The following BCAR3 variants were observed in gnomAD, a reference collection of about 807,000 sequenced individuals.
The protein encoded by BCAR3 is breast cancer anti-estrogen resistance protein 3.
In BCAR3, 37 loss-of-function variants were observed where a neutral mutation model predicts 80.1. The observed-to-expected ratio is 0.46, with a 90% CI of 0.36 to 0.61. BCAR3 has a LOEUF of 0.61. Among genes scored for constraint, BCAR3 ranks in the 20% least tolerant of loss-of-function variants. The pLI, the probability that BCAR3 is intolerant of heterozygous loss-of-function variation, is 0.00. For synonymous variants in BCAR3, 389 were observed against 418.9 expected (o/e 0.93, Z 0.87); for missense variants, 978 against 1,068.2 (o/e 0.92, Z 1.18).
Position 93,571,837 on chromosome 1 carries a change from T to C in BCAR3, c.1807A>G (p.Asn603Asp). 3 of 1,612,288 alleles carry C rather than the reference T, an allele frequency of 1.9e-6. No homozygotes were observed. Among genetic ancestry groups the C allele is most frequent in the Admixed American group, 1.7e-5 (1 of 59,970 alleles). The change falls in exon 9 of 12, where the codon AAC becomes GAC. Residue 603 changes from asparagine to aspartate, a missense_variant. Asn to Asp is a conservative substitution (Grantham distance 23, BLOSUM62 1). Coordinates refer to ENST00000260502, the MANE Select transcript of BCAR3 (RefSeq NM_003567.4). The stretch of plus-strand genomic sequence containing the variant: ...ACTGCAATGCCGATGGCCATTGTGT[T>C]GTGTCTGAAAGCCAGGAGATCAGCG... ...QLRLDIIERHNTMAIGIAVDI... is the reference protein window; with the variant it reads ...QLRLDIIERHDTMAIGIAVDI...
At chr1:93,709,166 A>G (rs1355412628) in intron 2 of BCAR3, among the ~76,000 whole-genome samples, 1 of 152,136 alleles carries the variant, frequency 6.6e-6, no homozygotes, top group African/African-American at 2.4e-5. Context: ...TGCAAAAGAG[A>G]AGAACGAGGG....
At chr1:93,576,653 C>A (rs1167300934) in intron 7 of BCAR3, among the ~76,000 whole-genome samples, 4 of 152,246 alleles carry the variant, frequency 2.6e-5, no homozygotes, top group African/African-American at 9.6e-5. Context: ...CTCTATACGT[C>A]TGGAAACTAT....
intron 2 of BCAR3, among the ~76,000 whole-genome samples, chr1:93,813,271 A>C (rs1177308395): frequency 1.3e-5 from 2 of 152,112 alleles, no homozygotes; most frequent in East Asian, 3.9e-4. Context: ...TTATCAGGTA[A>C]GCTTTGTGTG....
intron 2 of BCAR3, among the ~76,000 whole-genome samples, chr1:93,651,007 C>T (rs1440385935): frequency 6.6e-6 from 1 of 152,158 alleles, no homozygotes; most frequent in East Asian, 1.9e-4. Context: ...TTCACTTATA[C>T]CCTAAAAGTA....
intron 11 of BCAR3, among the ~76,000 whole-genome samples, chr1:93,566,086 CTCT>C (rs1672937365): frequency 6.6e-6 from 1 of 152,164 alleles, no homozygotes; most frequent in Non-Finnish European, 1.5e-5. Context: ...CCTTCACTGG[CTCT>C]TCTTCAGCCA....
Position 93,714,697 on chromosome 1 carries a change from C to T in BCAR3, c.-62-8555G>A, listed in dbSNP as rs151163051. 3.0e-3 allele frequency among the ~76,000 whole-genome samples: 453 copies of T among 151,906 alleles called. 2 individuals are homozygous for T. The highest frequency in any genetic ancestry group is 8.2e-3 in the Admixed American group (125 of 15,264). ...TTAACATACTAATCACAACTAAGAC[C>T]GCCTTTCTTTTTTTTTTTTCAGATG... is the stretch of plus-strand genomic sequence containing the variant. On this transcript the variant is annotated intron_variant, in intron 2 of 13. Transcript: ENST00000370244.
At chr1:93,846,862 C>T (rs753503714) in intron 1 of BCAR3, 1 of 483,234 alleles carries the variant, frequency 2.1e-6, no homozygotes, top group South Asian at 1.5e-5. Flanking sequence ...CCACCAGAGC[C>T]CGGATACCTC....
At chr1:93,762,388 G>T (rs930752626) in intron 2 of BCAR3, among the ~76,000 whole-genome samples, 4 of 152,180 alleles carry the variant, frequency 2.6e-5, no homozygotes, top group Non-Finnish European at 5.9e-5. Context: ...TGTCAAGCAA[G>T]GCTCCCCATC....
intron 2 of BCAR3, among the ~76,000 whole-genome samples, chr1:93,832,163 G>A (rs1303254400): frequency 6.6e-6 from 1 of 152,180 alleles, no homozygotes; most frequent in East Asian, 1.9e-4. Flanking sequence ...CCTTCAAGGT[G>A]TACAATAATA....
chr1:93,696,013 A>G (rs1228433987), intron 3 of BCAR3, among the ~76,000 whole-genome samples: 5 of 150,218 alleles, frequency 3.3e-5, no homozygotes, highest in Non-Finnish European at 7.4e-5. Flanking sequence ...ATACTTCCAC[A>G]GTATAATGCA....
chr1:93,845,643 C>T (rs1655149932), exon 2 of BCAR3: 1 of 151,918 alleles, frequency 6.6e-6, no homozygotes, highest in Non-Finnish European at 1.5e-5. Flanking sequence ...ACCCTGATCA[C>T]GCTTTACTTG....
At position 93,725,909 on chromosome 1, in the gene BCAR3, G is replaced by A. The variant is rs1650565626; in HGVS notation, c.-62-19767C>T. Among the ~76,000 whole-genome samples the A allele has an allele frequency of 3.3e-5, 5 of 152,104 alleles. No homozygotes were observed. In the South Asian group the frequency reaches 1.0e-3, roughly 32 times the overall value. On this transcript the variant is annotated intron_variant, in intron 2 of 13. Transcript: ENST00000370244. ...TATATCAAGATTCCATATTTGGCAG[G>A]TCTATTTCTGGGCTCTCTATTCTGT... is the stretch of plus-strand genomic sequence containing the variant.
intron 8 of BCAR3, among the ~76,000 whole-genome samples, chr1:93,572,682 C>T (rs1474384900): frequency 2.0e-5 from 3 of 152,214 alleles, no homozygotes; most frequent in Admixed American, 6.5e-5. Flanking sequence ...CTGCTTTAGA[C>T]CAGAATTGCC....
intron 2 of BCAR3, among the ~76,000 whole-genome samples, chr1:93,789,638 G>A (rs3761915): frequency 0.14 from 21,569 of 152,138 alleles, 2,499 homozygotes; most frequent in African/African-American, 0.31. Flanking sequence ...TAGAATGATA[G>A]GGCATACAGG....
At chr1:93,805,075 T>A (rs1329067390) in intron 2 of BCAR3, among the ~76,000 whole-genome samples, 1 of 152,274 alleles carries the variant, frequency 6.6e-6, no homozygotes, top group African/African-American at 2.4e-5. Flanking sequence ...ATCTTCATCA[T>A]AACATTGTTT....
chr1:93,667,243 G>A (rs1375958923), intron 2 of BCAR3, among the ~76,000 whole-genome samples: 1 of 152,242 alleles, frequency 6.6e-6, no homozygotes, highest in East Asian at 1.9e-4. Flanking sequence ...AGCAGGAGAA[G>A]AAGAAACTGC....
chr1:93,698,177 C>G (rs1649491478), intron 3 of BCAR3, among the ~76,000 whole-genome samples: 1 of 152,162 alleles, frequency 6.6e-6, no homozygotes, highest in Non-Finnish European at 1.5e-5. Context: ...GCATGGGAAG[C>G]AGGACAAGGC....
At chr1:93,593,435 T>C (rs1024845774) in intron 3 of BCAR3, among the ~76,000 whole-genome samples, 4 of 152,210 alleles carry the variant, frequency 2.6e-5, no homozygotes, top group Non-Finnish European at 5.9e-5. Flanking sequence ...ACTGTAGCCT[T>C]GGCCTCCTGG....
intron 2 of BCAR3, among the ~76,000 whole-genome samples, chr1:93,811,153 A>G (rs889147592): frequency 1.3e-5 from 2 of 152,192 alleles, no homozygotes; most frequent in Non-Finnish European, 2.9e-5. Context: ...TGGGGACACA[A>G]TCAGCTTCTC....
Sources: gnomAD v4.1 joint callset for allele counts (sites outside exome capture counted in the v4.1 genomes callset) on GRCh38, gnomAD v4.1.1 for gene constraint, MANE v1.5 for transcripts, NCBI Gene and HGNC (gene_info 2026-07-23, HGNC 2026-07-21) for gene names.